The following CCDC3 variants were observed in gnomAD, a reference collection of about 807,000 sequenced individuals.
CCDC3 encodes coiled-coil domain containing 3, also known as coiled-coil domain-containing protein 3.
CCDC3 carries 24 observed loss-of-function variants against 21.4 expected under a neutral mutation model. That is an observed-to-expected ratio of 1.12 (90% CI 0.81 to 1.58). The LOEUF is 1.58. Ranked by LOEUF, CCDC3 falls within the 40% of genes most tolerant of loss-of-function variation. The pLI, the probability that CCDC3 is intolerant of heterozygous loss-of-function variation, is 0.00. For missense variants in CCDC3, 425 were observed against 360.9 expected (o/e 1.18, Z -1.44); for synonymous variants, 186 against 166.0 (o/e 1.12, Z -0.93).
chr10:12,937,848 T>C (rs1834765016), intron 2 of CCDC3, among the ~76,000 whole-genome samples: 1 of 152,204 alleles, frequency 6.6e-6, no homozygotes, highest in Non-Finnish European at 1.5e-5. Context: ...CTGCCATCAT[T>C]AAGCCATTAT....
intron 5 of CCDC3, among the ~76,000 whole-genome samples, chr10:13,046,757 A>G (rs2131422166): frequency 6.6e-6 from 1 of 152,076 alleles, no homozygotes; most frequent in Non-Finnish European, 1.5e-5. Flanking sequence ...AATGGAAGCA[A>G]TTTTATCAAG....
At chr10:12,948,186 A>T (rs1488392200) in intron 2 of CCDC3, among the ~76,000 whole-genome samples, 1 of 151,860 alleles carries the variant, frequency 6.6e-6, no homozygotes, top group East Asian at 1.9e-4. Flanking sequence ...CCCTGCACAC[A>T]CTCTCTTGCC....
At chr10:13,072,055 T>A (rs1836889536) in intron 4 of CCDC3, among the ~76,000 whole-genome samples, 1 of 152,152 alleles carries the variant, frequency 6.6e-6, no homozygotes, top group Non-Finnish European at 1.5e-5. Flanking sequence ...TTTTATTTTT[T>A]TAACCAGTTG....
At chr10:12,989,868 C>G (rs1348414714) in intron 2 of CCDC3, among the ~76,000 whole-genome samples, 1 of 152,038 alleles carries the variant, frequency 6.6e-6, no homozygotes, top group Non-Finnish European at 1.5e-5. Context: ...TAGCGCAAAT[C>G]AAGATAGTGG....
chr10:13,027,533 CAT>C (rs910607094), intron 5 of CCDC3, among the ~76,000 whole-genome samples: 86 of 152,088 alleles, frequency 5.7e-4, no homozygotes, highest in African/African-American at 2.0e-3. Flanking sequence ...GAGCAACCGC[CAT>C]ATGTCATATT....
chr10:12,999,273 C>G lies in CCDC3; in HGVS notation c.375-761G>C, dbSNP rs530225519. Among the ~76,000 whole-genome samples, 8 of 152,214 alleles carry G rather than the reference C, an allele frequency of 5.3e-5. No individual in the cohort carries two copies. The South Asian group carries it at 8.3e-4, about 16-fold the overall frequency. Reference sequence around the variant, plus strand: ...GAACATATATAAGTAAAAAATAGTACCTACTTTTCTGGTGATGTCATAAGC... The same window carrying G: ...GAACATATATAAGTAAAAAATAGTAGCTACTTTTCTGGTGATGTCATAAGC... On this transcript the variant is annotated intron_variant, in intron 1 of 2. Transcript: ENST00000378825.
intron 2 of CCDC3, among the ~76,000 whole-genome samples, chr10:12,952,493 T>G (rs950721799): frequency 2.0e-5 from 3 of 152,218 alleles, no homozygotes; most frequent in Admixed American, 6.5e-5. Context: ...TTGAAATGTT[T>G]TGATGGCATT....
chr10:13,057,468 T>TA (rs111356560), intron 4 of CCDC3, among the ~76,000 whole-genome samples: 57,071 of 149,312 alleles, frequency 0.38, 10,939 homozygotes, highest in East Asian at 0.52. Context: ...TTTGTTTTCT[T>TA]AAAAAAAAAA....
Position 13,017,433 on chromosome 10 carries a change from C to T in CCDC3, c.-1-18921G>A, listed in dbSNP as rs576901352. ...TTGGGAGGCTGAGGCAGGAGAATTG[C>T]TTGAACCCGGGAGGTGGAGGTTGCA... On this transcript the variant is annotated intron_variant, in intron 5 of 6. Coordinates refer to the CCDC3 transcript ENST00000378839. Among the ~76,000 whole-genome samples, 424 of 147,642 alleles carry T rather than the reference C, an allele frequency of 2.9e-3. 4 individuals carry two copies. The highest frequency in any genetic ancestry group is 0.01 in the African/African-American group (409 of 40,188).
intron 3 of CCDC3, among the ~76,000 whole-genome samples, chr10:13,082,428 A>C (rs1216735124): frequency 6.6e-6 from 1 of 152,370 alleles, no homozygotes; most frequent in Non-Finnish European, 1.5e-5. Flanking sequence ...CCAGGTATAC[A>C]GGGTGGAACA....
intron 5 of CCDC3, among the ~76,000 whole-genome samples, chr10:13,025,852 A>C (rs1000058833): frequency 6.6e-6 from 1 of 152,208 alleles, no homozygotes; most frequent in Admixed American, 6.6e-5. Context: ...TCATAATAGC[A>C]CCAAATATCA....
upstream of CCDC3, among the ~76,000 whole-genome samples, chr10:13,004,512 C>T (rs1835903092): frequency 6.6e-6 from 1 of 151,298 alleles, no homozygotes; most frequent in South Asian, 2.1e-4. Flanking sequence ...GCAGGGAAGG[C>T]ATATCCGTGT....
chr10:13,035,764 A>G (rs1410279022), intron 5 of CCDC3, among the ~76,000 whole-genome samples: 3 of 152,234 alleles, frequency 2.0e-5, no homozygotes, highest in Non-Finnish European at 4.4e-5. Context: ...ACATTCAGAA[A>G]ATAGACTTGA....
intron 2 of CCDC3, among the ~76,000 whole-genome samples, chr10:12,969,252 G>C (rs780624958): frequency 1.3e-5 from 2 of 152,070 alleles, no homozygotes; most frequent in Non-Finnish European, 2.9e-5. Flanking sequence ...AAACCATAAT[G>C]AACTGTCATC....
chr10:12,897,316 GTT>G lies in CCDC3; in HGVS notation c.*1098_*1099del, dbSNP rs1834016433. On this transcript the variant is annotated 3_prime_UTR_variant, in exon 3 of 3. Coordinates refer to ENST00000378825, the MANE Select transcript of CCDC3 (RefSeq NM_031455.4). Reference sequence around the variant, plus strand: ...TTTTACTTATAGTAGTGTCTTAAAAGTTTTATTTCCAGAAAGGTGAAGTGCTT... The same window carrying G: ...TTTTACTTATAGTAGTGTCTTAAAAGTTATTTCCAGAAAGGTGAAGTGCTT... 6.6e-6 allele frequency: 1 copy of G among 152,282 alleles called. No individual in the cohort carries two copies. Among genetic ancestry groups the G allele is most frequent in the African/African-American group, 2.4e-5 (1 of 41,470 alleles). The allele number at this position is 152,282 out of a possible 1,614,324, so 9.4% of individuals were successfully genotyped here.
intron 5 of CCDC3, among the ~76,000 whole-genome samples, chr10:13,035,681 T>G (rs1226101947): frequency 6.6e-6 from 1 of 152,208 alleles, no homozygotes. Flanking sequence ...CATCCAGGTT[T>G]TATGATCATC....
At chr10:12,995,700 C>A (rs1835752803) in intron 2 of CCDC3, among the ~76,000 whole-genome samples, 1 of 152,238 alleles carries the variant, frequency 6.6e-6, no homozygotes, top group Non-Finnish European at 1.5e-5. Flanking sequence ...TGATCTTCCT[C>A]ACCTCAAGTT....
At chr10:13,040,516 C>A (rs1836439146) in intron 5 of CCDC3, among the ~76,000 whole-genome samples, 1 of 152,130 alleles carries the variant, frequency 6.6e-6, no homozygotes, top group Admixed American at 6.5e-5. Flanking sequence ...CATGGTAAAA[C>A]CCCATCTCTA....
At chr10:13,036,338 A>G (rs1404449277) in intron 5 of CCDC3, among the ~76,000 whole-genome samples, 1 of 152,194 alleles carries the variant, frequency 6.6e-6, no homozygotes, top group African/African-American at 2.4e-5. Flanking sequence ...TCCATGCTAT[A>G]TATTTTTTAA....
Sources: allele counts gnomAD v4.1 joint callset (sites outside exome capture counted in the v4.1 genomes callset), GRCh38; gene constraint gnomAD v4.1.1; transcripts MANE v1.5; gene names NCBI Gene and HGNC (gene_info 2026-07-23, HGNC 2026-07-21).